The following MSH4 variants were observed in gnomAD, a reference collection of about 807,000 sequenced individuals.
MSH4 encodes the protein mutS protein homolog 4.
MSH4 carries 106 observed loss-of-function variants against 113.7 expected under a neutral mutation model. The ratio of observed to expected loss-of-function variants is 0.93; its 90% CI spans 0.80 to 1.10. The LOEUF is 1.10. Ranked by LOEUF, MSH4 falls within the 50% of genes least tolerant of loss-of-function variation. The pLI, the probability that MSH4 is intolerant of heterozygous loss-of-function variation, is 0.00. For missense variants in MSH4, 1,061 were observed against 1,093.7 expected, an observed-to-expected ratio of 0.97 and a Z score of 0.42; for synonymous variants, 368 against 380.2, an observed-to-expected ratio of 0.97 and a Z score of 0.37.
At chr1:75,806,351 C>T (rs1433447453) in intron 2 of MSH4, among the ~76,000 whole-genome samples, 1 of 146,814 alleles carries the variant, frequency 6.8e-6, no homozygotes, top group Non-Finnish European at 1.5e-5. Flanking sequence ...GGGTTCACGC[C>T]ATTCTCCTGC....
chr1:75,863,201 T>C (rs1468430821), intron 8 of MSH4, among the ~76,000 whole-genome samples: 1 of 152,184 alleles, frequency 6.6e-6, no homozygotes, highest in Non-Finnish European at 1.5e-5. Flanking sequence ...GTAAGTATTA[T>C]GATAAGTGCT....
At chr1:75,898,118 A>T (rs377054410) in intron 18 of MSH4, 37 bp downstream of exon 18, 62 of 1,341,992 alleles carry the variant, frequency 4.6e-5, no homozygotes, top group Non-Finnish European at 6.2e-5. Flanking sequence ...ACATTCAAAT[A>T]CTATATATTC....
At chr1:75,845,707 G>T (rs1381303243) in intron 7 of MSH4, among the ~76,000 whole-genome samples, 4 of 152,080 alleles carry the variant, frequency 2.6e-5, no homozygotes, top group African/African-American at 7.2e-5. Context: ...TAGTTCTGTG[G>T]TCTCAGGGTG....
At chr1:75,887,157 G>C (rs1652144059) in intron 15 of MSH4, among the ~76,000 whole-genome samples, 1 of 151,972 alleles carries the variant, frequency 6.6e-6, no homozygotes, top group African/African-American at 2.4e-5. Context: ...CGTGTCAAGG[G>C]AGGGACCTGG....
chr1:75,831,662 G>T (rs1650694138), intron 7 of MSH4, among the ~76,000 whole-genome samples: 1 of 152,194 alleles, frequency 6.6e-6, no homozygotes, highest in South Asian at 2.1e-4. Context: ...CATGGAAACT[G>T]AACAACCTGC....
chr1:75,885,057 G>GTATA lies in MSH4; in HGVS notation c.2107+1237_2107+1238insATAT, dbSNP rs1440064046. Among the ~76,000 whole-genome samples the GTATA allele has an allele frequency of 1.6e-3, 186 of 114,498 alleles. 1 individual carries two copies. The highest frequency in any genetic ancestry group is 4.9e-3 in the Middle Eastern group (1 of 206). The allele number at this position is 114,498 out of a possible 152,430, so 75.1% of individuals were successfully genotyped here. ...TGTGTGTGTGTGTGTGTGTGTGTGT[G>GTATA]TGTATATATATATATATACCAGCCA... On this transcript the variant is annotated intron_variant, in intron 15 of 19. Transcript: ENST00000263187.
At chr1:75,840,075 T>C (rs1650919234) in intron 7 of MSH4, among the ~76,000 whole-genome samples, 1 of 152,120 alleles carries the variant, frequency 6.6e-6, no homozygotes, top group African/African-American at 2.4e-5. Context: ...TTGGTGGGAC[T>C]GTAAACTAGT....
At chr1:75,909,743 A>C (rs997564364) in intron 19 of MSH4, among the ~76,000 whole-genome samples, 1 of 145,420 alleles carries the variant, frequency 6.9e-6, no homozygotes, top group Admixed American at 7.1e-5. Context: ...AACTCTTTTG[A>C]AACAGTTTCA....
chr1:75,813,180 A>T (rs1212944171), intron 4 of MSH4, among the ~76,000 whole-genome samples: 1 of 152,140 alleles, frequency 6.6e-6, no homozygotes. Context: ...CCAGGGAAGG[A>T]TGCTGACTGA....
chr1:75,891,597 G>A (rs1389935179), intron 17 of MSH4, among the ~76,000 whole-genome samples: 1 of 151,966 alleles, frequency 6.6e-6, no homozygotes, highest in Non-Finnish European at 1.5e-5. Flanking sequence ...GGGACTGCAG[G>A]CATGCACCAT....
intron 1 of MSH4, among the ~76,000 whole-genome samples, chr1:75,801,911 A>G (rs1389740201): frequency 6.6e-6 from 1 of 151,794 alleles, no homozygotes; most frequent in Admixed American, 6.6e-5. Flanking sequence ...GCTCCCGATT[A>G]TAATCCCAGC....
At chr1:75,848,378 A>G in intron 8 of MSH4, 102 bp downstream of exon 8, 1 of 905,778 alleles carries the variant, frequency 1.1e-6, no homozygotes, top group Non-Finnish European at 1.7e-6. Flanking sequence ...TGTTTTGGGA[A>G]AGTCCTTCAT....
intron 4 of MSH4, among the ~76,000 whole-genome samples, chr1:75,814,391 G>A (rs951961598): frequency 2.0e-5 from 3 of 152,010 alleles, no homozygotes; most frequent in Non-Finnish European, 4.4e-5. Context: ...CTTGTACCCT[G>A]GAGTTCAAAT....
At chr1:75,843,981 T>G (rs1651024212) in intron 7 of MSH4, among the ~76,000 whole-genome samples, 1 of 151,976 alleles carries the variant, frequency 6.6e-6, no homozygotes, top group Non-Finnish European at 1.5e-5. Flanking sequence ...CTGGCTAATT[T>G]TGTAGTTTTA....
intron 7 of MSH4, among the ~76,000 whole-genome samples, chr1:75,842,223 TAAGATAAAGGATTATGGG>T: frequency 2.0e-5 from 3 of 152,182 alleles, no homozygotes; most frequent in Non-Finnish European, 2.9e-5. Context: ...ATGTTCAGGT[TAAGATAAAGGATTATGGG>T]GACCAAGTTT....
chr1:75,830,711 A>G (rs951014957), intron 7 of MSH4, among the ~76,000 whole-genome samples: 3 of 152,220 alleles, frequency 2.0e-5, no homozygotes, highest in African/African-American at 7.2e-5. Context: ...GTGAAGGAGA[A>G]ATAAAATCCT....
At chr1:75,816,149 G>A (rs1370568632) in intron 5 of MSH4, among the ~76,000 whole-genome samples, 1 of 152,134 alleles carries the variant, frequency 6.6e-6, no homozygotes, top group Admixed American at 6.5e-5. Context: ...AGTCCCTTAA[G>A]TGTCAGACTT....
At chr1:75,869,597 C>A (rs1651667073) in intron 9 of MSH4, among the ~76,000 whole-genome samples, 1 of 152,174 alleles carries the variant, frequency 6.6e-6, no homozygotes, top group Non-Finnish European at 1.5e-5. Flanking sequence ...GCAGTTGCTC[C>A]AGCTATGGCT....
Position 75,900,955 on chromosome 1 carries a change from T to C in MSH4, c.2619+1249T>C, listed in dbSNP as rs188009044. On this transcript the variant is annotated intron_variant, in intron 19 of 19. Coordinates refer to ENST00000263187, the MANE Select transcript of MSH4 (RefSeq NM_002440.4). The stretch of plus-strand genomic sequence containing the variant: ...AGTTTGAAAAATATTCGAAACAAGC[T>C]ATTTTTATCCACTGCAAATTCATAT... Among the ~76,000 whole-genome samples, 10 of 152,324 alleles carry C rather than the reference T, an allele frequency of 6.6e-5. No individual in the cohort carries two copies. In the East Asian group the frequency reaches 1.7e-3, roughly 26 times the overall value.
Sources: allele counts gnomAD v4.1 joint callset (sites outside exome capture counted in the v4.1 genomes callset), GRCh38; gene constraint gnomAD v4.1.1; transcripts MANE v1.5; gene names NCBI Gene and HGNC (gene_info 2026-07-23, HGNC 2026-07-21).